Variants in ERG observed in about 807,000 individuals in gnomAD.
The protein encoded by ERG is ETS transcription factor ERG.
In ERG, 9 loss-of-function variants were observed where a neutral mutation model predicts 55.3. That is an observed-to-expected ratio of 0.16 (90% CI 0.10 to 0.28). The LOEUF (loss-of-function observed/expected upper bound fraction) is 0.28, where lower values mean the gene tolerates loss of function less well. Among genes scored for constraint, ERG ranks in the 10% least tolerant of loss-of-function variants. The pLI is 1.00. For missense variants in ERG, 434 were observed against 631.6 expected, an observed-to-expected ratio of 0.69 and a Z score of 3.35; for synonymous variants, 223 against 237.3, an observed-to-expected ratio of 0.94 and a Z score of 0.55.
chr21:38,428,039 C>T (rs774691467), intron 2 of ERG, among the ~76,000 whole-genome samples: 5 of 151,612 alleles, frequency 3.3e-5, no homozygotes, highest in Non-Finnish European at 5.9e-5. Context: ...AAAAATTAGT[C>T]GGGCATGGTG....
intron 2 of ERG, among the ~76,000 whole-genome samples, chr21:38,568,213 TACA>T (rs1313162491): frequency 1.7e-4 from 26 of 152,220 alleles, no homozygotes; most frequent in African/African-American, 6.3e-4. Context: ...TATGCTAGTA[TACA>T]ACATTATAGA....
chr21:38,655,468 C>G (rs1479034358), intron 1 of ERG, among the ~76,000 whole-genome samples: 1 of 152,240 alleles, frequency 6.6e-6, no homozygotes, highest in African/African-American at 2.4e-5. Flanking sequence ...CATTCAGCAT[C>G]TCCCACCATA....
intron 2 of ERG, among the ~76,000 whole-genome samples, chr21:38,441,854 T>C (rs1199230754): frequency 6.6e-6 from 1 of 152,182 alleles, no homozygotes; most frequent in African/African-American, 2.4e-5. Flanking sequence ...TAGGCCTGGA[T>C]TGAAGGCAGA....
chr21:38,617,795 A>C (rs2060267349), intron 1 of ERG, among the ~76,000 whole-genome samples: 1 of 152,188 alleles, frequency 6.6e-6, no homozygotes, highest in Admixed American at 6.5e-5. Flanking sequence ...TGTCATGTTC[A>C]TATCTGTTGT....
At chr21:38,629,567 C>T (rs1568960469) in intron 1 of ERG, among the ~76,000 whole-genome samples, 1 of 152,164 alleles carries the variant, frequency 6.6e-6, no homozygotes, top group Non-Finnish European at 1.5e-5. Flanking sequence ...GATACCACTT[C>T]ACACTCATGA....
At chr21:38,386,226 T>C (rs59047703) in intron 9 of ERG, among the ~76,000 whole-genome samples, 1,614 of 152,256 alleles carry the variant, frequency 0.011, 32 homozygotes, top group African/African-American at 0.036. Flanking sequence ...CATAAAGACA[T>C]AGGGCTCAGG....
rs201608060 is a variant in ERG, at chr21:38,400,589, T to C, written c.730A>G (p.Ile244Val). 2 of 1,613,934 alleles carry C rather than the reference T, an allele frequency of 1.2e-6. No homozygotes were observed. The highest frequency in any genetic ancestry group is 1.3e-5 in the African/African-American group (1 of 75,050). Residue 244 changes from isoleucine (I) to valine (V), a missense_variant, in exon 6 of 10, where the codon ATT (isoleucine) becomes GTT (valine). Ile to Val is a conservative substitution (Grantham distance 29). Transcript: ENST00000288319. ...TSVYPEATQR[I>V]TTRPDLPYEP... ...GTTTTCGTACCTGGCCTAGTTGTAA[T>C]TCTTTGCGTAGCTTCAGGATATACT...
At chr21:38,402,754 A>C (rs2146454521) in intron 4 of ERG, 117 bp from the exon 5 acceptor site, 4 of 724,122 alleles carry the variant, frequency 5.5e-6, no homozygotes, top group Non-Finnish European at 8.6e-6. Context: ...AAGAAAGAAA[A>C]CCGTTCCCCC....
chr21:38,569,490 G>A (rs2146851897), intron 2 of ERG, among the ~76,000 whole-genome samples: 1 of 152,298 alleles, frequency 6.6e-6, no homozygotes, highest in East Asian at 1.9e-4. Context: ...CAACTAGAAA[G>A]TACCTTCCTC....
rs139848614 is a variant in ERG, at chr21:38,640,951, T to C, written c.-150+20707A>G. Among the ~76,000 whole-genome samples the C allele has an allele frequency of 2.2e-3, 341 of 152,336 alleles. 5 individuals carry two copies. The highest frequency in any genetic ancestry group is 2.9e-3 in the Non-Finnish European group (200 of 68,040). ...CTATTTGACTTTTACAACTATGTAT[T>C]AGCATGAGAAATATAACAACTAGAA... On this transcript the variant is annotated intron_variant, in intron 1 of 10. Coordinates refer to the ERG transcript ENST00000398910.
intron 1 of ERG, 91 bp from the exon 2 acceptor site, chr21:38,445,712 G>T: frequency 1.0e-6 from 1 of 982,304 alleles, no homozygotes; most frequent in Non-Finnish European, 1.6e-6. Context: ...TTCTAACTGG[G>T]ACCACATTTT....
the ERG span, among the ~76,000 whole-genome samples, chr21:38,372,282 C>A: frequency 2.6e-5 from 4 of 151,776 alleles, no homozygotes; most frequent in African/African-American, 9.7e-5. Context: ...TAAAAAACTC[C>A]AATTTTTATC....
upstream of ERG, among the ~76,000 whole-genome samples, chr21:38,499,835 G>T (rs2059407715): frequency 6.7e-6 from 1 of 148,928 alleles, no homozygotes; most frequent in Admixed American, 6.7e-5. Context: ...AAGGAGGATG[G>T]GAGGAAGGAG....
intron 1 of ERG, among the ~76,000 whole-genome samples, chr21:38,455,868 T>TCCCCCCCCCCCCCCCCCCCCCCCC (rs200521885): frequency 7.7e-6 from 1 of 130,562 alleles, no homozygotes; most frequent in Non-Finnish European, 1.7e-5. Flanking sequence ...ATTGGTACGG[T>TCCCCCCCCCCCCCCCCCCCCCCCC]CCCCCCCCTC....
At chr21:38,541,161 A>C (rs1353002060) in intron 2 of ERG, among the ~76,000 whole-genome samples, 1 of 152,210 alleles carries the variant, frequency 6.6e-6, no homozygotes, top group East Asian at 1.9e-4. Flanking sequence ...GACGCCATCC[A>C]ATTATAAATC....
At chr21:38,500,512 A>G (rs879480671), upstream of ERG, among the ~76,000 whole-genome samples, 2 of 152,154 alleles carry the variant, frequency 1.3e-5, no homozygotes, top group Admixed American at 1.3e-4. Context: ...AAGATAATAC[A>G]CCAAACTCCT....
At chr21:38,654,538 C>T (rs2060507358) in intron 1 of ERG, among the ~76,000 whole-genome samples, 1 of 152,194 alleles carries the variant, frequency 6.6e-6, no homozygotes, top group African/African-American at 2.4e-5. Context: ...AATAATATCC[C>T]TCTCTGTTCT....
chr21:38,548,614 ATT>A (rs58333375), intron 2 of ERG, among the ~76,000 whole-genome samples: 2,145 of 107,136 alleles, frequency 0.02, 57 homozygotes, highest in African/African-American at 0.07. Context: ...CGCCCGGCTA[ATT>A]TTTTTTTTTT....
chr21:38,405,962 C>G (rs560778002), intron 3 of ERG, among the ~76,000 whole-genome samples: 1 of 152,044 alleles, frequency 6.6e-6, no homozygotes, highest in African/African-American at 2.4e-5. Flanking sequence ...ACCATCCTGG[C>G]TAACACAGTG....
Sources: gnomAD v4.1 joint callset for allele counts (sites outside exome capture counted in the v4.1 genomes callset) on GRCh38, gnomAD v4.1.1 for gene constraint, MANE v1.5 for transcripts, NCBI Gene and HGNC (gene_info 2026-07-23, HGNC 2026-07-21) for gene names.